AK4: variants seen among roughly 807,000 people sequenced by gnomAD.
The protein encoded by AK4 is adenylate kinase 4, also known as adenylate kinase 4, mitochondrial.
In AK4, 13 loss-of-function variants were observed where a neutral mutation model predicts 24.6. The ratio of observed to expected loss-of-function variants is 0.53; its 90% CI spans 0.34 to 0.84. The LOEUF (loss-of-function observed/expected upper bound fraction) is 0.84, where lower values mean the gene tolerates loss of function less well. Ranked by LOEUF, AK4 falls within the 40% of genes least tolerant of loss-of-function variation. The pLI is 0.01. For synonymous variants in AK4, 88 were observed against 107.0 expected, an observed-to-expected ratio of 0.82 and a Z score of 1.10; for missense variants, 192 against 288.2, an observed-to-expected ratio of 0.67 and a Z score of 2.42.
At position 65,150,085 on chromosome 1, in the gene AK4, A is replaced by G. The variant is rs533729025; in HGVS notation, c.145+1533A>G. On this transcript the variant is annotated intron_variant, in intron 1 of 4. Coordinates refer to ENST00000327299, the MANE Select transcript of AK4 (RefSeq NM_013410.4). ...TTGTTTCCTTCTATGAGCCCATTCC[A>G]TAATTCTCTGTACCTTACTTGGTGA... Among the ~76,000 whole-genome samples the G allele has an allele frequency of 5.7e-3, 868 of 152,218 alleles. 4 individuals carry two copies. The highest frequency in any genetic ancestry group is 0.014 in the Middle Eastern group (4 of 292).
At chr1:65,202,352 G>A (rs1044676437) in intron 2 of AK4, among the ~76,000 whole-genome samples, 2 of 152,194 alleles carry the variant, frequency 1.3e-5, no homozygotes, top group East Asian at 1.9e-4. Flanking sequence ...AGCTGAGATC[G>A]CGCCACTGCA....
chr1:65,197,887 A>G (rs569950235), intron 2 of AK4, among the ~76,000 whole-genome samples: 37 of 152,318 alleles, frequency 2.4e-4, no homozygotes, highest in African/African-American at 6.7e-4. Flanking sequence ...AAAAGCCAAC[A>G]GTATCTTCTG....
intron 1 of AK4, among the ~76,000 whole-genome samples, chr1:65,158,644 G>A (rs532866918): frequency 1.3e-5 from 2 of 152,180 alleles, no homozygotes; most frequent in South Asian, 4.2e-4. Context: ...GGGACTACAG[G>A]CTCCTGCCAC....
intron 2 of AK4, among the ~76,000 whole-genome samples, chr1:65,206,595 A>G (rs1046394293): frequency 1.3e-5 from 2 of 152,230 alleles, no homozygotes; most frequent in African/African-American, 4.8e-5. Context: ...GTGCGTGCGC[A>G]CACACACAAA....
rs148655112 is a variant in AK4 at position 65,221,526 on chromosome 1, G to A, written c.438+2600G>A. 3.4e-3 allele frequency among the ~76,000 whole-genome samples: 525 copies of A among 152,214 alleles called. 4 individuals carry two copies. Among genetic ancestry groups the A allele is most frequent in the African/African-American group, 0.012 (485 of 41,520 alleles). ...TGTGCCACTGCACTTCAGCCTGGGC[G>A]ACAGAGTAAGACCTGGCCTCCCTCC... On this transcript the variant is annotated intron_variant, in intron 3 of 4. Coordinates refer to ENST00000327299, the MANE Select transcript of AK4 (RefSeq NM_013410.4).
At chr1:65,152,039 T>TAC (rs35465649) in intron 1 of AK4, among the ~76,000 whole-genome samples, 12,574 of 151,644 alleles carry the variant, frequency 0.083, 701 homozygotes, top group Admixed American at 0.21. Context: ...TGTATGAGTA[T>TAC]ACACACACAC....
At chr1:65,155,701 C>T (rs1170110312) in intron 1 of AK4, among the ~76,000 whole-genome samples, 3 of 150,230 alleles carry the variant, frequency 2.0e-5, no homozygotes, top group Non-Finnish European at 2.9e-5. Context: ...CTTGCTCTGT[C>T]GCCTAGGCTA....
At chr1:65,181,418 A>G (rs1029000832) in intron 1 of AK4, among the ~76,000 whole-genome samples, 1 of 146,262 alleles carries the variant, frequency 6.8e-6, no homozygotes, top group African/African-American at 2.5e-5. Context: ...TTTTTTTGAG[A>G]CAGAGTCTCG....
Position 65,189,655 on chromosome 1 carries a change from G to GCACACA in AK4, c.146-1037_146-1032dup, listed in dbSNP as rs71681774. The stretch of plus-strand genomic sequence containing the variant: ...CATTTGTGGTAAAACACATACGCGT[G>GCACACA]CACACACACACACACACACACACCC... On this transcript the variant is annotated intron_variant, in intron 1 of 4. Transcript: ENST00000327299. 7.2e-3 allele frequency among the ~76,000 whole-genome samples: 977 copies of GCACACA among 135,700 alleles called. 9 individuals are homozygous for GCACACA. Among genetic ancestry groups the GCACACA allele is most frequent in the African/African-American group, 0.027 (912 of 34,366 alleles). The allele number at this position is 135,700 out of a possible 152,430, so 89.0% of individuals were successfully genotyped here.
At chr1:65,169,270 T>C (rs982571866) in intron 1 of AK4, among the ~76,000 whole-genome samples, 2 of 152,194 alleles carry the variant, frequency 1.3e-5, no homozygotes, top group African/African-American at 4.8e-5. Flanking sequence ...AACTCATGAC[T>C]GAATTTCCCC....
rs942251279 is a variant in AK4 at position 65,209,522 on chromosome 1, G to A, written c.266-9232G>A. Among the ~76,000 whole-genome samples the A allele has an allele frequency of 2.5e-4, 38 of 152,156 alleles. 1 individual carries two copies. Among genetic ancestry groups the A allele is most frequent in the Admixed American group, 2.0e-4 (3 of 15,272 alleles). On this transcript the variant is annotated intron_variant, in intron 2 of 4. Transcript: ENST00000327299. ...TTGGTCAGTGATCCCTGCCGACAGGGGATCTTACTGGCTGGATAATGACCC... is the reference window on the plus strand; with the variant it reads ...TTGGTCAGTGATCCCTGCCGACAGGAGATCTTACTGGCTGGATAATGACCC...
At position 65,159,963 on chromosome 1, in the gene AK4, T is replaced by C. The variant is rs567085154; in HGVS notation, c.145+11411T>C. 7.0e-4 allele frequency among the ~76,000 whole-genome samples: 94 copies of C among 134,288 alleles called. 1 individual carries two copies. In the East Asian group the frequency reaches 0.016, roughly 24 times the overall value. The allele number at this position is 134,288 out of a possible 152,430, so 88.1% of individuals were successfully genotyped here. ...AGCCTGGGCAACAGCGCCGAGACTA[T>C]GTCTCCAAAAAAAAAAAAAAAAAAA... On this transcript the variant is annotated intron_variant, in intron 1 of 4. Coordinates refer to ENST00000327299, the MANE Select transcript of AK4 (RefSeq NM_013410.4).
intron 2 of AK4, among the ~76,000 whole-genome samples, chr1:65,199,177 G>A (rs1000755720): frequency 6.6e-6 from 1 of 152,012 alleles, no homozygotes; most frequent in Non-Finnish European, 1.5e-5. Context: ...TTTGAAGGTA[G>A]AGTTTGATCA....
intron 1 of AK4, among the ~76,000 whole-genome samples, chr1:65,181,949 TC>T (rs1327336507): frequency 1.3e-5 from 2 of 152,006 alleles, no homozygotes; most frequent in Non-Finnish European, 2.9e-5. Context: ...AGTGCCTCTC[TC>T]TGTTGCCCAG....
intron 1 of AK4, among the ~76,000 whole-genome samples, chr1:65,156,117 A>T (rs1190479963): frequency 6.6e-6 from 1 of 152,234 alleles, no homozygotes; most frequent in Non-Finnish European, 1.5e-5. Flanking sequence ...GTATAATTCC[A>T]ATATTCAAAT....
intron 1 of AK4, among the ~76,000 whole-genome samples, chr1:65,153,204 C>T (rs906885239): frequency 2.0e-5 from 3 of 152,194 alleles, no homozygotes; most frequent in Admixed American, 2.0e-4. Flanking sequence ...ATAAGGCATT[C>T]CATGACAGTA....
rs377713383 is a variant in AK4 at position 65,150,119 on chromosome 1, C to T, written c.145+1567C>T. On this transcript the variant is annotated intron_variant, in intron 1 of 4. Transcript: ENST00000327299. ...TGTACCTTACTTGGTGACTTGTTTC[C>T]TTCTGGAATGAAGGGCTTCACACTG... Among the ~76,000 whole-genome samples, 114 of 152,214 alleles carry T rather than the reference C, an allele frequency of 7.5e-4. 1 individual carries two copies. The highest frequency in any genetic ancestry group is 2.6e-3 in the African/African-American group (109 of 41,534).
intron 3 of AK4, among the ~76,000 whole-genome samples, chr1:65,222,251 G>C (rs1368602262): frequency 6.6e-6 from 1 of 152,174 alleles, no homozygotes; most frequent in Admixed American, 6.5e-5. Flanking sequence ...GGCTGACAAA[G>C]AGAAGGGAAG....
At chr1:65,171,462 C>T (rs1650521755) in intron 1 of AK4, among the ~76,000 whole-genome samples, 1 of 151,830 alleles carries the variant, frequency 6.6e-6, no homozygotes, top group Non-Finnish European at 1.5e-5. Flanking sequence ...CGCCCGCCAT[C>T]ATGCCCGGCT....
Sources: gnomAD v4.1 joint callset for allele counts (sites outside exome capture counted in the v4.1 genomes callset) on GRCh38, gnomAD v4.1.1 for gene constraint, MANE v1.5 for transcripts, NCBI Gene and HGNC (gene_info 2026-07-23, HGNC 2026-07-21) for gene names.